IRAK1BP1: variants seen among roughly 807,000 people sequenced by gnomAD.
IRAK1BP1 encodes the protein interleukin 1 receptor associated kinase 1 binding protein 1, also known as interleukin-1 receptor-associated kinase 1-binding protein 1.
Under a neutral mutation model 28.0 loss-of-function variants are expected in IRAK1BP1, and 24 were observed. The ratio of observed to expected loss-of-function variants is 0.86; its 90% CI spans 0.62 to 1.20. The LOEUF is 1.20. Among genes scored for constraint, IRAK1BP1 ranks in the 50% most tolerant of loss-of-function variants. The pLI is 0.00. For synonymous variants in IRAK1BP1, 131 were observed against 116.3 expected, an observed-to-expected ratio of 1.13 and a Z score of -0.81; for missense variants, 336 against 316.7, an observed-to-expected ratio of 1.06 and a Z score of -0.46.
chr6:78,889,059 A>G (rs796111308), intron 2 of IRAK1BP1, among the ~76,000 whole-genome samples: 12 of 149,780 alleles, frequency 8.0e-5, no homozygotes, highest in South Asian at 2.1e-4. Context: ...AGAGGTTCCA[A>G]TGAGTCAAGA....
In IRAK1BP1 at chr6:78,876,431, A is replaced by G. The variant is rs578121166; in HGVS notation, c.315+8540A>G. 2.0e-5 allele frequency among the ~76,000 whole-genome samples: 3 copies of G among 152,308 alleles called. No individual in the cohort carries two copies. In the South Asian group the frequency reaches 6.2e-4, roughly 32 times the overall value. On this transcript the variant is annotated intron_variant, in intron 1 of 3. Coordinates refer to ENST00000369940, the MANE Select transcript of IRAK1BP1 (RefSeq NM_001010844.4). ...TTAAGTAGTTATTCCTGTCTTGACC[A>G]TTTTGTCTTAAAACTCTGCCTTTTG...
chr6:78,896,859 T>G (rs1328064010), intron 2 of IRAK1BP1, among the ~76,000 whole-genome samples: 1 of 151,818 alleles, frequency 6.6e-6, no homozygotes, highest in Non-Finnish European at 1.5e-5. Context: ...AAGACAGATG[T>G]TCTGCATTGT....
At chr6:78,977,472 G>A in the IRAK1BP1 span, among the ~76,000 whole-genome samples, 1,446 of 151,888 alleles carry the variant, frequency 9.5e-3, 34 homozygotes, top group African/African-American at 0.033. Context: ...ACATGTATAC[G>A]TATGTAACTA....
At chr6:78,879,788 G>T (rs1771155294) in intron 1 of IRAK1BP1, among the ~76,000 whole-genome samples, 1 of 152,224 alleles carries the variant, frequency 6.6e-6, no homozygotes, top group African/African-American at 2.4e-5. Context: ...CTTCCCAGCA[G>T]CTAATGCAGG....
chr6:78,905,012 G>T (rs890513472), downstream of IRAK1BP1, among the ~76,000 whole-genome samples: 2 of 152,090 alleles, frequency 1.3e-5, no homozygotes, highest in African/African-American at 4.8e-5. Context: ...GAATTTACTT[G>T]CAAACCACAA....
At chr6:78,916,213 C>T (rs777556061) in intron 4 of IRAK1BP1, among the ~76,000 whole-genome samples, 11 of 151,930 alleles carry the variant, frequency 7.2e-5, no homozygotes, top group Non-Finnish European at 1.6e-4. Flanking sequence ...GTTTTTTGTT[C>T]ATTTGTTTGT....
At chr6:78,973,780 G>C in the IRAK1BP1 span, among the ~76,000 whole-genome samples, 9 of 151,896 alleles carry the variant, frequency 5.9e-5, no homozygotes, top group African/African-American at 2.2e-4. Context: ...AGACAAAGAA[G>C]GCCATTACAT....
chr6:78,956,461 C>T, the IRAK1BP1 span: 5 of 152,106 alleles, frequency 3.3e-5, no homozygotes, highest in African/African-American at 9.7e-5. Context: ...AAATTAGACA[C>T]TGCAGTCAAA....
chr6:78,877,773 A>T (rs1771057263), intron 1 of IRAK1BP1, among the ~76,000 whole-genome samples: 1 of 152,186 alleles, frequency 6.6e-6, no homozygotes, highest in African/African-American at 2.4e-5. Flanking sequence ...GCACCTGGAA[A>T]ATCGGGTCAC....
Position 78,897,957 on chromosome 6 carries a change from T to G in IRAK1BP1, c.510T>G (p.Leu170=). ...FYHTPGSVEN[L]RRQACLVAVE... is the part of the protein sequence containing the mutation. Reference sequence around the variant, plus strand: ...ATACTCCAGGTTCTGTTGAGAATCTTCGGTAAGTTTAAGCACATCTTTAAC... The same window carrying G: ...ATACTCCAGGTTCTGTTGAGAATCTGCGGTAAGTTTAAGCACATCTTTAAC... The change falls in exon 3 of 4, where the codon CTT becomes CTG. Residue 170 remains leucine (L), a splice_region_variant and synonymous_variant. Transcript: ENST00000369940. 6.2e-7 allele frequency: 1 copy of G among 1,613,942 alleles called. No individual in the cohort carries two copies. The highest frequency in any genetic ancestry group is 1.1e-5 in the South Asian group (1 of 91,050).
At chr6:78,873,007 GC>G in intron 1 of IRAK1BP1, among the ~76,000 whole-genome samples, 1 of 151,944 alleles carries the variant, frequency 6.6e-6, no homozygotes, top group South Asian at 2.1e-4. Context: ...TGTAATCCCA[GC>G]ACTTTGGGAG....
chr6:78,883,684 A>G (rs920763861), intron 1 of IRAK1BP1, among the ~76,000 whole-genome samples: 6 of 152,314 alleles, frequency 3.9e-5, no homozygotes, highest in East Asian at 3.9e-4. Context: ...AGCAATATAT[A>G]TAGTACAGAC....
chr6:78,954,588 G>A, the IRAK1BP1 span, among the ~76,000 whole-genome samples: 2 of 151,992 alleles, frequency 1.3e-5, no homozygotes, highest in Non-Finnish European at 2.9e-5. Context: ...ACAACTAGTA[G>A]GAACAGAATA....
downstream of IRAK1BP1, among the ~76,000 whole-genome samples, chr6:78,906,956 A>G (rs1262305955): frequency 6.6e-6 from 1 of 152,226 alleles, no homozygotes; most frequent in African/African-American, 2.4e-5. Context: ...CAAGGATGAA[A>G]GAAATAAAGT....
At chr6:78,955,459 G>A in the IRAK1BP1 span, among the ~76,000 whole-genome samples, 1 of 150,486 alleles carries the variant, frequency 6.6e-6, no homozygotes, top group African/African-American at 2.4e-5. Flanking sequence ...TTAACTATAA[G>A]AAGAATATTC....
chr6:78,872,621 T>G (rs887859593), intron 1 of IRAK1BP1, among the ~76,000 whole-genome samples: 1 of 152,214 alleles, frequency 6.6e-6, no homozygotes, highest in African/African-American at 2.4e-5. Context: ...GAGTGTCATG[T>G]TGGCACTCAA....
chr6:78,872,153 G>A, intron 1 of IRAK1BP1: 1 of 697,682 alleles, frequency 1.4e-6, no homozygotes, highest in Non-Finnish European at 2.6e-6. Flanking sequence ...TTCCACCCTG[G>A]TTCCTAGAGT....
chr6:78,945,343 T>A (rs1773747474), intron 4 of IRAK1BP1: 1 of 1,613,718 alleles, frequency 6.2e-7, no homozygotes, highest in Admixed American at 1.7e-5. Context: ...TGGACGCCTT[T>A]GGGAGTACAG....
intron 4 of IRAK1BP1, among the ~76,000 whole-genome samples, chr6:78,924,486 G>T (rs1344022260): frequency 6.6e-6 from 1 of 152,090 alleles, no homozygotes; most frequent in Non-Finnish European, 1.5e-5. Flanking sequence ...TCTATCAGAG[G>T]TACAAAGAGG....
Sources: gnomAD v4.1 joint callset for allele counts (sites outside exome capture counted in the v4.1 genomes callset) on GRCh38, gnomAD v4.1.1 for gene constraint, MANE v1.5 for transcripts, NCBI Gene and HGNC (gene_info 2026-07-23, HGNC 2026-07-21) for gene names.